The following RBFOX3 variants were observed in gnomAD, a reference collection of about 807,000 sequenced individuals.
RBFOX3 encodes RNA binding protein fox-1 homolog 3.
Under a neutral mutation model 48.7 loss-of-function variants are expected in RBFOX3, and 17 were observed. The ratio of observed to expected loss-of-function variants is 0.35; its 90% CI spans 0.24 to 0.52. The LOEUF is 0.52. Ranked by LOEUF, RBFOX3 falls within the 20% of genes least tolerant of loss-of-function variation. The probability of loss-of-function intolerance (pLI) is 0.94; values close to 1 mark genes in which losing one functional copy is unlikely to be tolerated. For synonymous variants in RBFOX3, 212 were observed against 209.5 expected (o/e 1.01, Z -0.10); for missense variants, 382 against 497.5 (o/e 0.77, Z 2.21).
intron 2 of RBFOX3, among the ~76,000 whole-genome samples, chr17:79,407,882 T>C (rs2063756029): frequency 6.6e-6 from 1 of 152,186 alleles, no homozygotes; most frequent in Non-Finnish European, 1.5e-5. Context: ...TTTTACTCCT[T>C]TGCACTATAT....
intron 4 of RBFOX3, among the ~76,000 whole-genome samples, chr17:79,227,670 C>T (rs1271427294): frequency 6.6e-6 from 1 of 152,130 alleles, no homozygotes; most frequent in East Asian, 1.9e-4. Context: ...CATGTGATGG[C>T]CAAGAGGCAA....
At chr17:79,315,362 C>G (rs556610278) in intron 2 of RBFOX3, among the ~76,000 whole-genome samples, 18 of 152,196 alleles carry the variant, frequency 1.2e-4, no homozygotes, top group Admixed American at 3.3e-4. Context: ...TTCTCCATAC[C>G]GAGAAGGAGG....
chr17:79,473,511 G>A lies in RBFOX3; in HGVS notation c.-175+8943C>T, dbSNP rs1236744914. Among the ~76,000 whole-genome samples the A allele has an allele frequency of 6.6e-6, 1 of 152,208 alleles. No homozygotes were observed. Among genetic ancestry groups the A allele is most frequent in the Non-Finnish European group, 1.5e-5 (1 of 68,038 alleles). On this transcript the variant is annotated intron_variant, in intron 2 of 14. Transcript: ENST00000693108. This position sits in a 1 kb window ranked among gnomAD's most constrained non-coding sequence, Gnocchi z 4.2. ...ATTTCCAGGCCTTGCATACTGTTCT[G>A]GACACTCCAGGCACACAGATGCCTC...
chr17:79,542,530 T>C (rs901195021), intron 1 of RBFOX3, among the ~76,000 whole-genome samples: 5 of 149,440 alleles, frequency 3.3e-5, no homozygotes, highest in East Asian at 2.0e-4. Context: ...ACGCCTGTAA[T>C]CCCAGCACTC....
intron 4 of RBFOX3, chr17:79,135,203 A>G (rs1318008061): frequency 6.6e-6 from 1 of 152,286 alleles, no homozygotes; most frequent in Non-Finnish European, 1.5e-5. Context: ...AGCCAGGGAG[A>G]CTGAGTCAGC....
chr17:79,651,113 C>T, the RBFOX3 span, among the ~76,000 whole-genome samples: 1 of 152,214 alleles, frequency 6.6e-6, no homozygotes, highest in African/African-American at 2.4e-5. Flanking sequence ...GATTGAGTCA[C>T]CAAGTCGCCG....
chr17:79,425,801 C>T (rs1439050643), intron 2 of RBFOX3, among the ~76,000 whole-genome samples: 1 of 151,728 alleles, frequency 6.6e-6, no homozygotes, highest in Non-Finnish European at 1.5e-5. Context: ...TGGACAGTTG[C>T]AGTGGAGATG....
chr17:79,646,099 C>T, the RBFOX3 span, among the ~76,000 whole-genome samples: 2 of 152,090 alleles, frequency 1.3e-5, no homozygotes, highest in African/African-American at 4.8e-5. Context: ...TTGTATCTCA[C>T]CCCCAACCCC....
chr17:79,090,879 G>A lies in RBFOX3; in HGVS notation c.*4C>T, dbSNP rs1284917244. The A allele has an allele frequency of 1.3e-6, 2 of 1,532,924 alleles. No individual in the cohort carries two copies. Among genetic ancestry groups the A allele is most frequent in the Non-Finnish European group, 1.8e-6 (2 of 1,140,390 alleles). The allele number at this position is 1,532,924 out of a possible 1,614,324, so 95.0% of individuals were successfully genotyped here. ...ATGGTCCGAGAAGGAAACGGTGGAAGGTTTCACTACAACAGAAACAGAAAG... is the reference window on the plus strand; with the variant it reads ...ATGGTCCGAGAAGGAAACGGTGGAAAGTTTCACTACAACAGAAACAGAAAG... On this transcript the variant is annotated 3_prime_UTR_variant, in exon 15 of 15. Transcript: ENST00000693108.
Position 79,309,436 on chromosome 17 carries a change from C to T in RBFOX3, c.-174-1612G>A, listed in dbSNP as rs75853085. ...TGCTTCTCACACCTGCTCCTTGCTC[C>T]CTCTGCCCCACCCATGGGGGCCTTC... On this transcript the variant is annotated intron_variant, in intron 2 of 14. Transcript: ENST00000693108. 5.9e-3 allele frequency among the ~76,000 whole-genome samples: 898 copies of T among 152,146 alleles called. 8 individuals carry two copies. The highest frequency in any genetic ancestry group is 0.021 in the African/African-American group (852 of 41,490).
chr17:79,251,303 G>A (rs898954918), intron 3 of RBFOX3, among the ~76,000 whole-genome samples: 31 of 152,086 alleles, frequency 2.0e-4, no homozygotes, highest in Non-Finnish European at 1.5e-5. Flanking sequence ...TGGTGCCAAC[G>A]TCACTCAACG....
chr17:79,278,808 A>C (rs1052966582), intron 3 of RBFOX3, among the ~76,000 whole-genome samples: 1 of 152,208 alleles, frequency 6.6e-6, no homozygotes, highest in Non-Finnish European at 1.5e-5. Flanking sequence ...TGATGCCAGA[A>C]CGGGAAGGGA....
chr17:79,422,689 T>C (rs1482852214), intron 2 of RBFOX3, among the ~76,000 whole-genome samples: 1 of 27,848 alleles, frequency 3.6e-5, no homozygotes, highest in Non-Finnish European at 1.0e-4. Flanking sequence ...GAACCCGGGG[T>C]GCACCCTGGC....
intron 3 of RBFOX3, among the ~76,000 whole-genome samples, chr17:79,263,196 G>C (rs1327674274): frequency 6.6e-6 from 1 of 152,210 alleles, no homozygotes; most frequent in Non-Finnish European, 1.5e-5. Flanking sequence ...CCCAACCTTT[G>C]GAGGGCTCAG....
At chr17:79,140,951 C>T (rs2041798220) in intron 4 of RBFOX3, among the ~76,000 whole-genome samples, 1 of 152,174 alleles carries the variant, frequency 6.6e-6, no homozygotes, top group South Asian at 2.1e-4. Flanking sequence ...CCTACCAATG[C>T]TGAAGACCCT....
chr17:79,313,762 C>G (rs555327669), intron 2 of RBFOX3, among the ~76,000 whole-genome samples: 6 of 152,336 alleles, frequency 3.9e-5, no homozygotes, highest in Admixed American at 2.0e-4. Context: ...CCTGGGGCAG[C>G]AGCATCTCTG....
chr17:79,415,984 C>T (rs548423517), intron 2 of RBFOX3, among the ~76,000 whole-genome samples: 5 of 152,276 alleles, frequency 3.3e-5, no homozygotes, highest in Admixed American at 3.3e-4. Flanking sequence ...CTGACATGGG[C>T]CCCAGAATTC....
chr17:79,426,299 C>A (rs909381401), intron 2 of RBFOX3, among the ~76,000 whole-genome samples: 3 of 152,114 alleles, frequency 2.0e-5, no homozygotes, highest in Non-Finnish European at 4.4e-5. Flanking sequence ...GGATGGCTGT[C>A]GCAGGTGCTG....
chr17:79,623,957 G>T, the RBFOX3 span, among the ~76,000 whole-genome samples: 1 of 152,144 alleles, frequency 6.6e-6, no homozygotes, highest in Admixed American at 6.5e-5. Context: ...AAGGAAGAGG[G>T]AGCTGGGAGC....
Sources: allele counts gnomAD v4.1 joint callset (sites outside exome capture counted in the v4.1 genomes callset), GRCh38; gene constraint gnomAD v4.1.1; non-coding constraint Gnocchi (gnomAD v3.1); transcripts MANE v1.5; gene names NCBI Gene and HGNC (gene_info 2026-07-23, HGNC 2026-07-21).